The following CRIM1 variants were observed in gnomAD, a reference collection of about 807,000 sequenced individuals.
The protein encoded by CRIM1 is cysteine-rich motor neuron 1 protein.
In CRIM1, 32 loss-of-function variants were observed where a neutral mutation model predicts 116.4. The observed-to-expected ratio is 0.27, with a 90% confidence interval of 0.21 to 0.37. CRIM1 has a LOEUF of 0.37. Ranked by LOEUF, CRIM1 falls within the 10% of genes least tolerant of loss-of-function variation. The pLI, the probability that CRIM1 is intolerant of heterozygous loss-of-function variation, is 1.00. For missense variants in CRIM1, 1,331 were observed against 1,354.8 expected, an observed-to-expected ratio of 0.98 and a Z score of 0.28; for synonymous variants, 590 against 509.2, an observed-to-expected ratio of 1.16 and a Z score of -2.13.
intron 1 of CRIM1, among the ~76,000 whole-genome samples, chr2:36,385,983 A>C (rs1047100231): frequency 1.3e-5 from 2 of 152,190 alleles, no homozygotes; most frequent in African/African-American, 4.8e-5. Context: ...TGAAAAATGT[A>C]TATCCTTCAC....
In CRIM1 at chr2:36,548,544, A is replaced by G; in HGVS notation, c.2954A>G (p.Gln985Arg). ...AAATAGCCTTCTTCCTTAAATAATC[A>G]GCTAGTATCTGTGGACTGCAAGAAA... The part of the protein sequence containing the change: ...TPTKPSSLNN[Q>R]LVSVDCKKGT... Residue 985 changes from glutamine (Q) to arginine (R), a missense_variant, in exon 17 of 17, where the codon CAG (glutamine) becomes CGG (arginine). Physicochemically the swap from Gln to Arg is conservative, Grantham distance 43. Coordinates refer to ENST00000280527, the MANE Select transcript of CRIM1 (RefSeq NM_016441.3). 6.4e-7 allele frequency: 1 copy of G among 1,573,410 alleles called. No individual in the cohort carries two copies. Among genetic ancestry groups the G allele is most frequent in the Non-Finnish European group, 8.6e-7 (1 of 1,167,132 alleles).
chr2:36,391,123 T>A (rs898202659), intron 1 of CRIM1, among the ~76,000 whole-genome samples: 1 of 25,172 alleles, frequency 4.0e-5, no homozygotes, highest in African/African-American at 2.4e-4. Flanking sequence ...TTTTGATTTT[T>A]TTTTTTTTTT....
intron 11 of CRIM1, among the ~76,000 whole-genome samples, chr2:36,516,634 T>G (rs1665047364): frequency 1.3e-5 from 2 of 152,210 alleles, no homozygotes; most frequent in African/African-American, 4.8e-5. Context: ...GTTTTCAGAC[T>G]GTTGATTCTA....
intron 2 of CRIM1, among the ~76,000 whole-genome samples, chr2:36,416,014 C>G (rs561325772): frequency 3.9e-5 from 6 of 152,286 alleles, no homozygotes; most frequent in African/African-American, 1.4e-4. Context: ...TCAAGACCAG[C>G]CAGGGCAACA....
chr2:36,378,602 A>G (rs943890704), intron 1 of CRIM1: 5 of 339,086 alleles, frequency 1.5e-5, no homozygotes, highest in African/African-American at 1.1e-4. Flanking sequence ...GACAGAGACT[A>G]AAGGGTATAC....
intron 4 of CRIM1, among the ~76,000 whole-genome samples, chr2:36,451,608 T>C (rs1572762210): frequency 6.6e-6 from 1 of 152,312 alleles, no homozygotes; most frequent in Non-Finnish European, 1.5e-5. Flanking sequence ...CCTTTAGTGC[T>C]CTGTGTGCTC....
intron 2 of CRIM1, 65 bp downstream of exon 2, chr2:36,396,852 A>C (rs977921699): frequency 3.4e-5 from 46 of 1,347,408 alleles, no homozygotes; most frequent in Non-Finnish European, 4.2e-5. Context: ...CTGAGTAGTA[A>C]TAGTATTTGA....
intron 7 of CRIM1, among the ~76,000 whole-genome samples, chr2:36,480,608 G>T (rs916488753): frequency 2.6e-5 from 4 of 152,142 alleles, no homozygotes; most frequent in Non-Finnish European, 5.9e-5. Flanking sequence ...GAAATCTTGT[G>T]CTTCCACCGA....
intron 13 of CRIM1, among the ~76,000 whole-genome samples, chr2:36,532,864 G>A (rs2125154087): frequency 6.6e-6 from 1 of 152,294 alleles, no homozygotes; most frequent in Middle Eastern, 3.4e-3. Context: ...TTAACACAGG[G>A]CCTGGTATGT....
At chr2:36,466,518 C>T (rs983046342) in intron 5 of CRIM1, among the ~76,000 whole-genome samples, 2 of 152,192 alleles carry the variant, frequency 1.3e-5, no homozygotes, top group African/African-American at 4.8e-5. Context: ...GTCACTGCTT[C>T]CCTGGGTTCC....
chr2:36,512,025 C>A (rs1664723709), intron 9 of CRIM1, among the ~76,000 whole-genome samples: 2 of 152,176 alleles, frequency 1.3e-5, no homozygotes, highest in Non-Finnish European at 2.9e-5. Flanking sequence ...ACAGTCATGT[C>A]ATTGAGATTC....
At position 36,409,027 on chromosome 2, in the gene CRIM1, T is replaced by G. The variant is rs1673020251; in HGVS notation, c.505+12240T>G. ...TCCTCAGAGGGGAAAAAAAAAAAGC[T>G]CTTTTAAATAAAGAGAGTTTTAATT... On this transcript the variant is annotated intron_variant, in intron 2 of 16. Coordinates refer to ENST00000280527, the MANE Select transcript of CRIM1 (RefSeq NM_016441.3). Among the ~76,000 whole-genome samples the G allele has an allele frequency of 2.0e-5, 3 of 149,646 alleles. No homozygotes were observed. The South Asian group carries it at 6.4e-4, about 32-fold the overall frequency.
At chr2:36,373,092 G>A (rs1443959088) in intron 1 of CRIM1, among the ~76,000 whole-genome samples, 3 of 152,166 alleles carry the variant, frequency 2.0e-5, no homozygotes, top group Non-Finnish European at 4.4e-5. Context: ...TTTATCAGCA[G>A]AAGGAGTATT....
chr2:36,546,556 AAG>A (rs1667346333), intron 15 of CRIM1, among the ~76,000 whole-genome samples: 1 of 152,154 alleles, frequency 6.6e-6, no homozygotes, highest in South Asian at 2.1e-4. Context: ...TTAATAGTAA[AAG>A]AACATACTTT....
At chr2:36,419,560 T>C (rs1038472843) in intron 2 of CRIM1, among the ~76,000 whole-genome samples, 14 of 152,220 alleles carry the variant, frequency 9.2e-5, no homozygotes, top group African/African-American at 3.4e-4. Flanking sequence ...ACGTTCTTAG[T>C]ACACAGCCCT....
chr2:36,430,231 C>T (rs371622753), intron 2 of CRIM1, among the ~76,000 whole-genome samples: 84 of 152,268 alleles, frequency 5.5e-4, no homozygotes, highest in African/African-American at 1.9e-3. Flanking sequence ...AGGCTGAACC[C>T]CATCTTGCCC....
At chr2:36,396,284 A>T (rs999038316) in intron 1 of CRIM1, among the ~76,000 whole-genome samples, 3 of 152,132 alleles carry the variant, frequency 2.0e-5, no homozygotes, top group Non-Finnish European at 4.4e-5. Context: ...ACATGAAAAA[A>T]CCCAGGAATC....
Position 36,512,694 on chromosome 2 carries a change from A to G in CRIM1, c.1780+300A>G, listed in dbSNP as rs566611696. On this transcript the variant is annotated intron_variant, in intron 10 of 16. Transcript: ENST00000280527. The stretch of plus-strand genomic sequence containing the variant: ...CTAAAGCACAATTATCTGAACCTCT[A>G]TAGAGCTTCTCTCTGTTCAGGAGTA... 3.3e-5 allele frequency among the ~76,000 whole-genome samples: 5 copies of G among 152,348 alleles called. No homozygotes were observed. In the South Asian group the frequency reaches 1.0e-3, roughly 32 times the overall value.
At chr2:36,394,087 C>T (rs903859499) in intron 1 of CRIM1, among the ~76,000 whole-genome samples, 3 of 152,078 alleles carry the variant, frequency 2.0e-5, no homozygotes, top group Admixed American at 1.3e-4. Flanking sequence ...CAGGGAGTTC[C>T]AGTTAGAATG....
Sources: gnomAD v4.1 joint callset for allele counts (sites outside exome capture counted in the v4.1 genomes callset) on GRCh38, gnomAD v4.1.1 for gene constraint, MANE v1.5 for transcripts, NCBI Gene and HGNC (gene_info 2026-07-23, HGNC 2026-07-21) for gene names.